Variants in RAPGEF5 observed in about 807,000 individuals in gnomAD.
RAPGEF5 encodes the protein M-Ras-regulated GEF.
In RAPGEF5, 65 loss-of-function variants were observed where a neutral mutation model predicts 125.2. That is an observed-to-expected ratio of 0.52 (90% CI 0.43 to 0.64). The LOEUF is 0.64. Among genes scored for constraint, RAPGEF5 ranks in the 30% least tolerant of loss-of-function variants. RAPGEF5 has a pLI of 0.00. For missense variants in RAPGEF5, 958 were observed against 1,048.1 expected (o/e 0.91, Z 1.19); for synonymous variants, 391 against 385.9 (o/e 1.01, Z -0.16).
rs1332423588 is a variant in RAPGEF5, at chr7:22,121,545, T to G, written c.*861A>C. 6.6e-6 allele frequency: 1 copy of G among 152,140 alleles called. No homozygotes were observed. Among genetic ancestry groups the G allele is most frequent in the African/African-American group, 2.4e-5 (1 of 41,428 alleles). The allele number at this position is 152,140 out of a possible 1,614,324, so 9.4% of individuals were successfully genotyped here. A position where few individuals can be genotyped will look rare whatever the true frequency, so the allele number is the denominator to read the frequency against. ...GTGACTCTGTCACCTCAGCAAGCAG[T>G]TGGTGAGTGTTTGCAATGTGTCAGG... On this transcript the variant is annotated 3_prime_UTR_variant, in exon 26 of 26. Transcript: ENST00000665637.
chr7:22,196,395 CAG>C (rs1393119471), intron 9 of RAPGEF5, among the ~76,000 whole-genome samples: 11 of 152,150 alleles, frequency 7.2e-5, no homozygotes, highest in East Asian at 1.9e-4. Flanking sequence ...GAATTAATAA[CAG>C]AAAATATATT....
At chr7:22,288,293 CAGA>C (rs2128146602) in intron 6 of RAPGEF5, among the ~76,000 whole-genome samples, 1 of 152,282 alleles carries the variant, frequency 6.6e-6, no homozygotes, top group Non-Finnish European at 1.5e-5. Flanking sequence ...GACTGGCTTC[CAGA>C]AGCTCTCTGA....
chr7:22,299,379 A>G (rs1338159801), intron 5 of RAPGEF5, among the ~76,000 whole-genome samples: 1 of 152,150 alleles, frequency 6.6e-6, no homozygotes, highest in Non-Finnish European at 1.5e-5. Flanking sequence ...TTTTACAAAT[A>G]TCATTTTACC....
rs552049833 is a variant in RAPGEF5 at position 22,189,380 on chromosome 7, A to G, written c.1204+3987T>C. On this transcript the variant is annotated intron_variant, in intron 11 of 25. Coordinates refer to ENST00000665637, the MANE Select transcript of RAPGEF5 (RefSeq NM_012294.5). ...GTTCACTACAGAAGTATCTGTAAGC[A>G]AAACACACTTTATCCTCTCTAGGGA... 6.6e-5 allele frequency among the ~76,000 whole-genome samples: 10 copies of G among 152,332 alleles called. No individual in the cohort carries two copies. The South Asian group carries it at 2.1e-3, about 32-fold the overall frequency.
At chr7:22,231,499 A>C (rs1340186970) in intron 7 of RAPGEF5, among the ~76,000 whole-genome samples, 1 of 152,120 alleles carries the variant, frequency 6.6e-6, no homozygotes, top group East Asian at 1.9e-4. Flanking sequence ...TCACTAATCC[A>C]ATCCAGCTTG....
Position 22,315,399 on chromosome 7 carries a change from C to T in RAPGEF5, c.360G>A (p.Lys120=), listed in dbSNP as rs1783566778. ...AAAACCCCTTGAGGTTCACTCTGTC[C>T]TTTATCAGGTCAGCTGCTTGAACGA... The part of the protein sequence containing the change: ...IIIVQAADLI[K]DRVNLKGFYR... The change falls in exon 3 of 26, where the codon AAG becomes AAA. Residue 120 remains lysine, a synonymous_variant. Coordinates refer to ENST00000665637, the MANE Select transcript of RAPGEF5 (RefSeq NM_012294.5). 6.5e-7 allele frequency: 1 copy of T among 1,540,296 alleles called. No individual in the cohort carries two copies. Among genetic ancestry groups the T allele is most frequent in the East Asian group, 2.5e-5 (1 of 39,962 alleles).
chr7:22,187,454 T>G (rs899241388), intron 11 of RAPGEF5, among the ~76,000 whole-genome samples: 1 of 152,174 alleles, frequency 6.6e-6, no homozygotes, highest in East Asian at 1.9e-4. Flanking sequence ...AAACATTATT[T>G]CTCTCAGAAG....
chr7:22,202,668 T>G (rs1468437999), intron 9 of RAPGEF5, among the ~76,000 whole-genome samples: 1 of 152,172 alleles, frequency 6.6e-6, no homozygotes, highest in Non-Finnish European at 1.5e-5. Context: ...ATTTCATGGG[T>G]AATAACCAAT....
At chr7:22,334,406 C>A (rs1470153802) in intron 1 of RAPGEF5, among the ~76,000 whole-genome samples, 1 of 152,172 alleles carries the variant, frequency 6.6e-6, no homozygotes, top group Non-Finnish European at 1.5e-5. Context: ...ACATTGAGGT[C>A]TTTATGTATC....
chr7:22,135,608 G>T, intron 23 of RAPGEF5, among the ~76,000 whole-genome samples: 1 of 152,136 alleles, frequency 6.6e-6, no homozygotes, highest in East Asian at 1.9e-4. Context: ...TTGACCAAAG[G>T]TACTTCTCAT....
chr7:22,337,068 A>G (rs960219518), intron 1 of RAPGEF5, among the ~76,000 whole-genome samples: 3 of 152,222 alleles, frequency 2.0e-5, no homozygotes, highest in Non-Finnish European at 2.9e-5. Context: ...GGGGAATGGC[A>G]ATACAGAAAG....
chr7:22,184,260 G>T (rs542899026), intron 11 of RAPGEF5, among the ~76,000 whole-genome samples: 130 of 152,236 alleles, frequency 8.5e-4, no homozygotes, highest in African/African-American at 3.0e-3. Context: ...AAGGGTGGAG[G>T]ATGAAAGCAA....
intron 11 of RAPGEF5, chr7:22,192,116 T>C (rs1785015007): frequency 6.4e-6 from 1 of 155,166 alleles, no homozygotes; most frequent in Non-Finnish European, 1.4e-5. Context: ...GGAATAGTGC[T>C]CAAATGCACA....
At chr7:22,178,156 T>G (rs1784566412) in intron 11 of RAPGEF5, among the ~76,000 whole-genome samples, 1 of 152,164 alleles carries the variant, frequency 6.6e-6, no homozygotes, top group Non-Finnish European at 1.5e-5. Context: ...ATTCCTAATG[T>G]TTTTAAGACT....
intron 8 of RAPGEF5, among the ~76,000 whole-genome samples, chr7:22,220,585 C>T (rs994579709): frequency 6.6e-6 from 1 of 151,866 alleles, no homozygotes; most frequent in African/African-American, 2.4e-5. Context: ...AAATAAGACA[C>T]TGGAAAAAGA....
intron 7 of RAPGEF5, among the ~76,000 whole-genome samples, chr7:22,262,219 C>CA (rs59256619): frequency 2.3e-4 from 34 of 149,290 alleles, no homozygotes; most frequent in South Asian, 6.4e-4. Context: ...CTATAAAAAA[C>CA]AAAAAAAAAG....
At chr7:22,319,759 T>G (rs1021107532) in intron 1 of RAPGEF5, among the ~76,000 whole-genome samples, 1 of 152,192 alleles carries the variant, frequency 6.6e-6, no homozygotes, top group Non-Finnish European at 1.5e-5. Context: ...ATGACAGTCT[T>G]TATTACTCAT....
At chr7:22,203,217 G>A (rs952463450) in intron 9 of RAPGEF5, among the ~76,000 whole-genome samples, 1 of 152,154 alleles carries the variant, frequency 6.6e-6, no homozygotes, top group South Asian at 2.1e-4. Context: ...CCCTCTGCCA[G>A]AGGAGGGCTA....
intron 12 of RAPGEF5, chr7:22,163,071 A>C (rs576402445): frequency 7.2e-5 from 32 of 446,180 alleles, no homozygotes; most frequent in African/African-American, 6.2e-4. Context: ...ACTTGAAAAC[A>C]TTGGATACAT....
Sources: gnomAD v4.1 joint callset for allele counts (sites outside exome capture counted in the v4.1 genomes callset) on GRCh38, gnomAD v4.1.1 for gene constraint, MANE v1.5 for transcripts, NCBI Gene and HGNC (gene_info 2026-07-23, HGNC 2026-07-21) for gene names.